DNAH11: variants seen among roughly 807,000 people sequenced by gnomAD.
The protein encoded by DNAH11 is axonemal beta dynein heavy chain 11.
Under a neutral mutation model 526.0 loss-of-function variants are expected in DNAH11, and 442 were observed. The observed-to-expected ratio is 0.84, with a 90% CI of 0.78 to 0.91. DNAH11 has a LOEUF of 0.91. DNAH11 is among the 40% of genes least tolerant of loss of function. The pLI is 0.00. For missense variants in DNAH11, 6,989 were observed against 5,448.7 expected (o/e 1.28, Z -8.90); for synonymous variants, 2,461 against 1,935.9 (o/e 1.27, Z -7.12).
chr7:21,835,223 CAAAAAAA>C (rs201863939), intron 65 of DNAH11, among the ~76,000 whole-genome samples: 1 of 87,566 alleles, frequency 1.1e-5, no homozygotes, highest in African/African-American at 4.4e-5. Context: ...CAGACTATTC[CAAAAAAA>C]AAAAAAAAAA....
chr7:21,720,428 C>CTTT (rs35946379), intron 43 of DNAH11, among the ~76,000 whole-genome samples: 2 of 141,148 alleles, frequency 1.4e-5, no homozygotes, highest in African/African-American at 5.1e-5. Flanking sequence ...AATATGTACC[C>CTTT]TTTTTTTTTT....
At chr7:21,639,299 C>A (rs1387668857) in intron 28 of DNAH11, among the ~76,000 whole-genome samples, 3 of 152,170 alleles carry the variant, frequency 2.0e-5, no homozygotes, top group Non-Finnish European at 2.9e-5. Context: ...GTAAGGCTTA[C>A]AGTGCTGAAA....
intron 44 of DNAH11, 81 bp downstream of exon 44, chr7:21,720,937 G>C (rs957039285): frequency 1.3e-6 from 2 of 1,507,778 alleles, no homozygotes; most frequent in South Asian, 1.2e-5. Context: ...CATGTGATCT[G>C]TACCTTTTTG....
In DNAH11 at chr7:21,789,277, G is replaced by A. The variant is rs755192124; in HGVS notation, c.9961G>A (p.Ala3321Thr). 5.1e-6 allele frequency: 8 copies of A among 1,577,810 alleles called. No homozygotes were observed. In the East Asian group the frequency reaches 1.9e-4, roughly 37 times the overall value. ...TGTGGAGCCAAAACGCCAAGCATTA[G>A]CCCAAGCAAACTTAGAACTGGCTGC... ...CDVEPKRQALAQANLELAAAT... is the reference protein window; with the variant it reads ...CDVEPKRQALTQANLELAAAT... Residue 3321 changes from alanine to threonine, a missense_variant, in exon 61 of 82, where the codon GCC becomes ACC. Physicochemically the swap from Ala to Thr is moderately conservative, Grantham distance 58. Coordinates refer to ENST00000409508, the MANE Select transcript of DNAH11 (RefSeq NM_001277115.2).
intron 44 of DNAH11, among the ~76,000 whole-genome samples, chr7:21,724,774 GA>G: frequency 1.3e-5 from 2 of 151,610 alleles, no homozygotes; most frequent in Non-Finnish European, 3.0e-5. Context: ...ATGAATATAG[GA>G]GTCACTGGGC....
At chr7:21,725,352 A>T (rs1785058085) in intron 44 of DNAH11, among the ~76,000 whole-genome samples, 2 of 152,212 alleles carry the variant, frequency 1.3e-5, no homozygotes, top group Non-Finnish European at 2.9e-5. Flanking sequence ...TACTTTTCTA[A>T]GCAAGAGCAT....
chr7:21,860,993 TCTTCCACCAGGTGC>T (rs1783043347), intron 68 of DNAH11, among the ~76,000 whole-genome samples: 1 of 152,170 alleles, frequency 6.6e-6, no homozygotes, highest in African/African-American at 2.4e-5. Flanking sequence ...GATTCAGTTA[TCTTCCACCAGGTGC>T]CTCCCACAAC....
chr7:21,576,275 C>A (rs1258773061), intron 8 of DNAH11, among the ~76,000 whole-genome samples: 1 of 152,210 alleles, frequency 6.6e-6, no homozygotes, highest in Non-Finnish European at 1.5e-5. Context: ...GTTGTGTCTT[C>A]CTTGCCTGCC....
At chr7:21,780,335 A>T (rs1418614967) in intron 57 of DNAH11, among the ~76,000 whole-genome samples, 2 of 152,162 alleles carry the variant, frequency 1.3e-5, no homozygotes, top group Non-Finnish European at 2.9e-5. Context: ...GCTTCAGCCC[A>T]GGAGTTCGAG....
At chr7:21,558,051 A>G (rs1783291008) in intron 2 of DNAH11, among the ~76,000 whole-genome samples, 1 of 152,242 alleles carries the variant, frequency 6.6e-6, no homozygotes, top group Non-Finnish European at 1.5e-5. Flanking sequence ...AAACTCTAAA[A>G]AGGTAGAATA....
chr7:21,803,637 G>C (rs1255917255), intron 62 of DNAH11, among the ~76,000 whole-genome samples: 1 of 151,768 alleles, frequency 6.6e-6, no homozygotes, highest in Non-Finnish European at 1.5e-5. Context: ...GGGGAATGGG[G>C]CTATCATCAT....
chr7:21,580,914 G>A (rs1784284406), intron 8 of DNAH11, among the ~76,000 whole-genome samples: 1 of 152,174 alleles, frequency 6.6e-6, no homozygotes, highest in Non-Finnish European at 1.5e-5. Context: ...TTCCAGCCCT[G>A]ACATTTACCA....
intron 55 of DNAH11, among the ~76,000 whole-genome samples, chr7:21,770,584 G>T (rs2127977157): frequency 6.6e-6 from 1 of 152,258 alleles, no homozygotes; most frequent in East Asian, 1.9e-4. Flanking sequence ...TGGGATGGAG[G>T]CCCAAGAGTA....
In DNAH11 at chr7:21,655,968, A is replaced by T. The variant is rs778724379; in HGVS notation, c.5081A>T (p.Glu1694Val). ...TATGTCCCATTCCAAGCCGAGTGTG[A>T]ATGTGTGGGCCATGTAAGATTTGAT... ...KEYVPFQAECECVGHVETWLL... is the reference protein window; with the variant it reads ...KEYVPFQAECVCVGHVETWLL... Residue 1694 changes from glutamate (E) to valine (V), a missense_variant, in exon 29 of 82, where the codon GAA becomes GTA. Physicochemically the swap from Glu to Val is moderately radical, Grantham distance 121 (BLOSUM62 -2). Coordinates refer to ENST00000409508, the MANE Select transcript of DNAH11 (RefSeq NM_001277115.2). 3 of 1,603,720 alleles carry T rather than the reference A, an allele frequency of 1.9e-6. No individual in the cohort carries two copies. The highest frequency in any genetic ancestry group is 1.1e-5 in the South Asian group (1 of 89,290).
intron 29 of DNAH11, among the ~76,000 whole-genome samples, chr7:21,656,753 C>T (rs992960488): frequency 6.6e-6 from 1 of 152,156 alleles, no homozygotes; most frequent in Non-Finnish European, 1.5e-5. Context: ...AGATGAGTGG[C>T]AACCTTATTT....
At chr7:21,706,518 G>C (rs1404579171) in intron 39 of DNAH11, among the ~76,000 whole-genome samples, 1 of 152,044 alleles carries the variant, frequency 6.6e-6, no homozygotes, top group East Asian at 1.9e-4. Context: ...TATTAAAGTA[G>C]ATAACTGATA....
intron 6 of DNAH11, among the ~76,000 whole-genome samples, chr7:21,566,927 A>C (rs556406409): frequency 6.6e-6 from 1 of 152,118 alleles, no homozygotes; most frequent in East Asian, 1.9e-4. Context: ...TTATTTTGTT[A>C]TTGCTGTATA....
At chr7:21,572,120 G>A (rs1583491428) in intron 8 of DNAH11, 147 bp downstream of exon 8, 1 of 610,510 alleles carries the variant, frequency 1.6e-6, no homozygotes, top group East Asian at 3.4e-5. Context: ...AAGTCTTGTA[G>A]CTACTTAGTT....
chr7:21,665,199 G>T (rs1374430189), intron 30 of DNAH11, among the ~76,000 whole-genome samples: 1 of 151,724 alleles, frequency 6.6e-6, no homozygotes, highest in Non-Finnish European at 1.5e-5. Context: ...GTTTGGCTAT[G>T]TACTTTGTAT....
Sources: allele counts gnomAD v4.1 joint callset (sites outside exome capture counted in the v4.1 genomes callset), GRCh38; gene constraint gnomAD v4.1.1; transcripts MANE v1.5; gene names NCBI Gene and HGNC (gene_info 2026-07-23, HGNC 2026-07-21).